SMYD3: variants seen among roughly 807,000 people sequenced by gnomAD.
SMYD3 encodes histone-lysine N-methyltransferase SMYD3.
In SMYD3, 36 loss-of-function variants were observed where a neutral mutation model predicts 57.7. That is an observed-to-expected ratio of 0.62 (90% CI 0.48 to 0.82). The LOEUF (loss-of-function observed/expected upper bound fraction) is 0.82. Ranked by LOEUF, SMYD3 falls within the 40% of genes least tolerant of loss-of-function variation. The pLI is 0.00. For missense variants in SMYD3, 515 were observed against 538.8 expected, an observed-to-expected ratio of 0.96 and a Z score of 0.44; for synonymous variants, 211 against 195.0, an observed-to-expected ratio of 1.08 and a Z score of -0.68.
intron 1 of SMYD3, among the ~76,000 whole-genome samples, chr1:246,446,214 A>G (rs1359032207): frequency 6.6e-6 from 1 of 152,230 alleles, no homozygotes; most frequent in Non-Finnish European, 1.5e-5. Context: ...ATCATGGCTC[A>G]TTTTACTACT....
intron 9 of SMYD3, 113 bp from the exon 10 acceptor site, chr1:245,858,783 G>A (rs549623865): frequency 1.7e-5 from 18 of 1,090,340 alleles, no homozygotes; most frequent in East Asian, 4.9e-5. Context: ...GGAAGCACCC[G>A]TTATTTTTCA....
chr1:246,159,815 TG>T, intron 5 of SMYD3, among the ~76,000 whole-genome samples: 1 of 149,430 alleles, frequency 6.7e-6, no homozygotes, highest in African/African-American at 2.5e-5. Flanking sequence ...GGTCCTGGAG[TG>T]GGGGGAGTAC....
At chr1:246,505,339 A>G (rs575074670) in intron 1 of SMYD3, among the ~76,000 whole-genome samples, 1 of 152,268 alleles carries the variant, frequency 6.6e-6, no homozygotes, top group East Asian at 1.9e-4. Context: ...AGCCAATCCA[A>G]GACACTCACT....
intron 7 of SMYD3, among the ~76,000 whole-genome samples, chr1:245,920,124 T>A (rs556475621): frequency 2.0e-5 from 3 of 151,946 alleles, no homozygotes; most frequent in Admixed American, 6.6e-5. Context: ...CCATCCTGGC[T>A]AACACGGTGA....
intron 5 of SMYD3, among the ~76,000 whole-genome samples, chr1:245,958,342 G>A (rs1489602927): frequency 6.6e-6 from 1 of 152,106 alleles, no homozygotes; most frequent in African/African-American, 2.4e-5. Context: ...TTCACAATCT[G>A]GCCTCTGCAT....
chr1:246,331,975 T>TA (rs2065469315), intron 3 of SMYD3, among the ~76,000 whole-genome samples: 1 of 3,776 alleles, frequency 2.6e-4, no homozygotes, highest in Non-Finnish European at 7.5e-4. Context: ...GCCGACCGGC[T>TA]TATTCCCACT....
intron 1 of SMYD3, among the ~76,000 whole-genome samples, chr1:246,365,354 G>A (rs2066081258): frequency 6.6e-6 from 1 of 151,526 alleles, no homozygotes; most frequent in African/African-American, 2.4e-5. Context: ...AATTAGCCAG[G>A]CATGGTGTCA....
In SMYD3 at chr1:246,373,401, T is replaced by C. The variant is rs940230504; in HGVS notation, c.165-18307A>G. ...ATGTTTAGAATAGTAAACACAAATA[T>C]ATACTTTATTCAAACATAATTTAAA... On this transcript the variant is annotated intron_variant, in intron 1 of 11. Coordinates refer to ENST00000490107, the MANE Select transcript of SMYD3 (RefSeq NM_001167740.2). Among the ~76,000 whole-genome samples, 5 of 152,194 alleles carry C rather than the reference T, an allele frequency of 3.3e-5. No homozygotes were observed. The East Asian group carries it at 7.7e-4, about 23-fold the overall frequency.
chr1:245,956,903 T>G (rs2057861513), intron 5 of SMYD3, among the ~76,000 whole-genome samples: 1 of 152,230 alleles, frequency 6.6e-6, no homozygotes, highest in Non-Finnish European at 1.5e-5. Flanking sequence ...GCTTATTGCC[T>G]TTTTGGCATA....
intron 1 of SMYD3, among the ~76,000 whole-genome samples, chr1:246,408,021 C>CA (rs1174258247): frequency 2.0e-5 from 3 of 151,842 alleles, no homozygotes; most frequent in Non-Finnish European, 4.4e-5. Context: ...TGTGTGTCCT[C>CA]ACTTGGCAGA....
chr1:245,894,991 A>T (rs1411802083), intron 8 of SMYD3, among the ~76,000 whole-genome samples: 3 of 152,220 alleles, frequency 2.0e-5, no homozygotes, highest in Non-Finnish European at 4.4e-5. Context: ...GGCAGAGAAG[A>T]AGTGCCACAT....
At chr1:245,773,084 A>T (rs904847483) in intron 10 of SMYD3, among the ~76,000 whole-genome samples, 7 of 133,920 alleles carry the variant, frequency 5.2e-5, no homozygotes, top group African/African-American at 2.3e-4. Flanking sequence ...GGGTGGGGAG[A>T]ATCACTAAAA....
At chr1:246,474,010 T>C (rs888087180) in intron 1 of SMYD3, among the ~76,000 whole-genome samples, 2 of 152,242 alleles carry the variant, frequency 1.3e-5, no homozygotes, top group African/African-American at 2.4e-5. Context: ...AAATTCACCA[T>C]ACATAATACC....
intron 5 of SMYD3, among the ~76,000 whole-genome samples, chr1:246,171,647 A>G (rs2062335748): frequency 6.6e-6 from 1 of 152,236 alleles, no homozygotes; most frequent in Non-Finnish European, 1.5e-5. Context: ...TGAATACTAT[A>G]GGCAGTTGTA....
intron 8 of SMYD3, among the ~76,000 whole-genome samples, chr1:245,889,680 A>G (rs1397410469): frequency 2.6e-5 from 4 of 152,160 alleles, no homozygotes; most frequent in Non-Finnish European, 4.4e-5. Context: ...TGAAAGAGGC[A>G]TCAATGCAAT....
At chr1:245,930,067 T>A in intron 5 of SMYD3, 130 bp from the exon 6 acceptor site, 1 of 714,528 alleles carries the variant, frequency 1.4e-6, no homozygotes, top group Non-Finnish European at 2.5e-6. Context: ...GCCAAGCCAA[T>A]CATGGATGCT....
At chr1:245,834,338 A>G (rs1339600394) in intron 10 of SMYD3, among the ~76,000 whole-genome samples, 1 of 152,182 alleles carries the variant, frequency 6.6e-6, no homozygotes, top group African/African-American at 2.4e-5. Flanking sequence ...GAAGTGGCTG[A>G]CCTTTGTCAC....
intron 1 of SMYD3, among the ~76,000 whole-genome samples, chr1:246,475,961 C>G (rs1434353555): frequency 6.6e-6 from 1 of 152,102 alleles, no homozygotes; most frequent in Non-Finnish European, 1.5e-5. Flanking sequence ...TATTCACACT[C>G]AAAGCAAAGG....
At chr1:245,818,647 C>T (rs1180401097) in intron 10 of SMYD3, among the ~76,000 whole-genome samples, 1 of 151,698 alleles carries the variant, frequency 6.6e-6, no homozygotes, top group Non-Finnish European at 1.5e-5. Flanking sequence ...ATTCAGGAAA[C>T]CCATCTCACG....
Sources: gnomAD v4.1 joint callset for allele counts (sites outside exome capture counted in the v4.1 genomes callset) on GRCh38, gnomAD v4.1.1 for gene constraint, MANE v1.5 for transcripts, NCBI Gene and HGNC (gene_info 2026-07-23, HGNC 2026-07-21) for gene names.